Variants in RC3H2 observed in about 807,000 individuals in gnomAD.
RC3H2 encodes the protein ring finger and CCCH-type domains 2.
Under a neutral mutation model 133.3 loss-of-function variants are expected in RC3H2, and 31 were observed. The observed-to-expected ratio is 0.23, with a 90% CI of 0.17 to 0.31. RC3H2 has a LOEUF of 0.31. Ranked by LOEUF, RC3H2 falls within the 10% of genes least tolerant of loss-of-function variation. RC3H2 has a pLI of 1.00. For synonymous variants in RC3H2, 517 were observed against 502.2 expected, an observed-to-expected ratio of 1.03 and a Z score of -0.40; for missense variants, 1,175 against 1,437.2, an observed-to-expected ratio of 0.82 and a Z score of 2.95.
At chr9:122,892,425 T>C (rs920984438) in intron 3 of RC3H2, among the ~76,000 whole-genome samples, 14 of 152,116 alleles carry the variant, frequency 9.2e-5, no homozygotes, top group Non-Finnish European at 1.5e-4. Context: ...GAATTCTTTT[T>C]TTTTTGAGAC....
chr9:122,901,931 T>C (rs1039770192), intron 1 of RC3H2, among the ~76,000 whole-genome samples: 1 of 148,284 alleles, frequency 6.7e-6, no homozygotes, highest in Admixed American at 6.7e-5. Context: ...ACTACTTCTT[T>C]TTTTTTTTTT....
In RC3H2 at chr9:122,891,861, TCA is replaced by T. The variant is rs202046791; in HGVS notation, c.349+1046_349+1047del. Reference sequence around the variant, plus strand: ...GTGCTAAGTATGCAGTGATAAAATTTCAGTTTTGTCATAGACTTAAAATAATT... The same window carrying T: ...GTGCTAAGTATGCAGTGATAAAATTTGTTTTGTCATAGACTTAAAATAATT... On this transcript the variant is annotated intron_variant, in intron 3 of 20. Coordinates refer to ENST00000357244, the MANE Select transcript of RC3H2 (RefSeq NM_001100588.3). Among the ~76,000 whole-genome samples, 1,151 of 152,344 alleles carry T rather than the reference TCA, an allele frequency of 7.6e-3. 13 individuals carry two copies. The highest frequency in any genetic ancestry group is 0.026 in the African/African-American group (1,089 of 41,576).
In RC3H2 at chr9:122,905,253, C is replaced by G; in HGVS notation, c.-211G>C. 1 of 985,740 alleles carries G rather than the reference C, an allele frequency of 1.0e-6. No homozygotes were observed. Among genetic ancestry groups the G allele is most frequent in the Non-Finnish European group, 1.2e-6 (1 of 830,076 alleles). 61.1% of individuals were successfully genotyped at this position (985,740 alleles called of 1,614,324 possible). On this transcript the variant is annotated 5_prime_UTR_variant, in exon 1 of 21. Transcript: ENST00000357244. The stretch of plus-strand genomic sequence containing the variant: ...CAAACTCCATCGGGAGCTACAGGGA[C>G]AGCCCCGTTGGCGGCGGCGAAGGCC...
At chr9:122,884,016 C>T (rs1367574988) in intron 4 of RC3H2, among the ~76,000 whole-genome samples, 3 of 151,812 alleles carry the variant, frequency 2.0e-5, no homozygotes, top group Non-Finnish European at 2.9e-5. Flanking sequence ...AAAATTAGGC[C>T]GGGCGCGGTG....
Position 122,854,563 on chromosome 9 carries a change from G to C in RC3H2, c.2868C>G (p.Asn956Lys). The C allele has an allele frequency of 6.2e-7, 1 of 1,613,340 alleles. No homozygotes were observed. The highest frequency in any genetic ancestry group is 8.5e-7 in the Non-Finnish European group (1 of 1,179,340). The stretch of plus-strand genomic sequence containing the variant: ...CATAGTGTGCTGATGATGTGGCCTC[G>C]TTGCCATATGAACTCCACCTTGAAT... ...AVDSRWSSYG[N>K]EATSSAHYVE... Residue 956 changes from asparagine to lysine, a missense_variant, in exon 16 of 21, where the codon AAC becomes AAG. Physicochemically the swap from Asn to Lys is moderately conservative, Grantham distance 94 (BLOSUM62 0). Coordinates refer to ENST00000357244, the MANE Select transcript of RC3H2 (RefSeq NM_001100588.3).
intron 4 of RC3H2, among the ~76,000 whole-genome samples, chr9:122,886,511 C>G (rs1381707920): frequency 6.6e-6 from 1 of 152,134 alleles, no homozygotes; most frequent in African/African-American, 2.4e-5. Context: ...TTTTACGTGC[C>G]CACATTCTCC....
chr9:122,885,839 G>T (rs1831887049), intron 4 of RC3H2, among the ~76,000 whole-genome samples: 2 of 152,078 alleles, frequency 1.3e-5, no homozygotes. Flanking sequence ...ACACTAGCTG[G>T]CTGTCTGGTT....
rs16912290 is a variant in RC3H2 at position 122,887,308 on chromosome 9, T to C, written c.583+3004A>G. Among the ~76,000 whole-genome samples, 1,409 of 152,304 alleles carry C rather than the reference T, an allele frequency of 9.3e-3. 27 individuals carry two copies. The highest frequency in any genetic ancestry group is 0.032 in the African/African-American group (1,340 of 41,556). ...ATTGTGTTTCAATCCTTTGGAGTCA[T>C]TCATTATGATGTTTAAATTGCCCCA... is the stretch of plus-strand genomic sequence containing the variant. On this transcript the variant is annotated intron_variant, in intron 4 of 20. Coordinates refer to ENST00000357244, the MANE Select transcript of RC3H2 (RefSeq NM_001100588.3).
At chr9:122,870,394 AAACAAACAAACAAACAAAC>A (rs760145112) in intron 9 of RC3H2, among the ~76,000 whole-genome samples, 2,269 of 137,492 alleles carry the variant, frequency 0.017, 40 homozygotes, top group East Asian at 0.092. Context: ...ACAAACAAAC[AAACAAACAAACAAACAAAC>A]AAAAAAAAAA....
rs574258127 is a variant in RC3H2 at position 122,884,706 on chromosome 9, A to G, written c.584-1327T>C. Among the ~76,000 whole-genome samples, 559 of 152,170 alleles carry G rather than the reference A, an allele frequency of 3.7e-3. 1 individual carries two copies. The highest frequency in any genetic ancestry group is 0.013 in the African/African-American group (532 of 41,512). On this transcript the variant is annotated intron_variant, in intron 4 of 20. Transcript: ENST00000357244. ...CATCTCTATTAAAAATATAAAAATTAGCTGGGCATGGTGGCGTGCATCTGT... is the reference window on the plus strand; with the variant it reads ...CATCTCTATTAAAAATATAAAAATTGGCTGGGCATGGTGGCGTGCATCTGT...
chr9:122,851,866 G>A (rs192972774), intron 18 of RC3H2, among the ~76,000 whole-genome samples: 666 of 152,328 alleles, frequency 4.4e-3, no homozygotes, highest in Middle Eastern at 0.01. Context: ...CCTCCCAGCC[G>A]CCTGCCTTGG....
chr9:122,854,665 T>A (rs761151292), intron 15 of RC3H2, 50 bp from the exon 16 acceptor site: 14 of 1,197,914 alleles, frequency 1.2e-5, no homozygotes, highest in Non-Finnish European at 1.6e-5. Context: ...AAAATCAGTG[T>A]ACTGAGGTGA....
At chr9:122,895,962 C>A (rs1832396333) in intron 2 of RC3H2, among the ~76,000 whole-genome samples, 2 of 151,914 alleles carry the variant, frequency 1.3e-5, no homozygotes, top group South Asian at 4.2e-4. Flanking sequence ...TAATTACAAA[C>A]ATGAATTCTA....
rs1432890296 is a variant in RC3H2 at position 122,854,540 on chromosome 9, T to G, written c.2891A>C (p.Tyr964Ser). 2 of 1,609,802 alleles carry G rather than the reference T, an allele frequency of 1.2e-6. No individual in the cohort carries two copies. The highest frequency in any genetic ancestry group is 1.3e-5 in the African/African-American group (1 of 74,826). ...YGNEATSSAH[Y>S]VERDRFIVTD... is the part of the protein sequence containing the mutation. Reference sequence around the variant, plus strand: ...TTAAGAAGAACGTTACCTTTCAACATAGTGTGCTGATGATGTGGCCTCGTT... The same window carrying G: ...TTAAGAAGAACGTTACCTTTCAACAGAGTGTGCTGATGATGTGGCCTCGTT... The change falls in exon 16 of 21, where the codon TAT becomes TCT. Residue 964 changes from tyrosine to serine, a missense_variant. Tyr to Ser is a moderately radical substitution (Grantham distance 144, BLOSUM62 -2). Coordinates refer to ENST00000357244, the MANE Select transcript of RC3H2 (RefSeq NM_001100588.3).
At chr9:122,863,408 A>G (rs1042209425) in intron 10 of RC3H2, among the ~76,000 whole-genome samples, 1 of 152,206 alleles carries the variant, frequency 6.6e-6, no homozygotes, top group East Asian at 1.9e-4. Context: ...ACCAGTCCCT[A>G]ATATAAGCCT....
intron 1 of RC3H2, among the ~76,000 whole-genome samples, chr9:122,903,025 C>T (rs1832715520): frequency 6.6e-6 from 1 of 152,116 alleles, no homozygotes; most frequent in African/African-American, 2.4e-5. Context: ...TAAAGCACAT[C>T]TCAATTCACA....
intron 9 of RC3H2, among the ~76,000 whole-genome samples, chr9:122,872,073 C>T (rs143370507): frequency 9.1e-4 from 138 of 152,234 alleles, no homozygotes; most frequent in Non-Finnish European, 1.5e-3. Flanking sequence ...CCACCTCACC[C>T]GGCCCCCAAT....
At chr9:122,877,702 A>T (rs1370927163) in intron 8 of RC3H2, 119 bp from the exon 9 acceptor site, 5 of 733,992 alleles carry the variant, frequency 6.8e-6, no homozygotes, top group Non-Finnish European at 1.2e-5. Context: ...TAGACAAGTA[A>T]TTCTTGTGCT....
At position 122,905,243 on chromosome 9, in the gene RC3H2, G is replaced by A; in HGVS notation, c.-201C>T. The A allele has an allele frequency of 6.1e-6, 6 of 985,576 alleles. No homozygotes were observed. Among genetic ancestry groups the A allele is most frequent in the Non-Finnish European group, 4.8e-6 (4 of 829,966 alleles). 61.1% of individuals were successfully genotyped at this position (985,576 alleles called of 1,614,324 possible). A position where few individuals can be genotyped will look rare whatever the true frequency, so the allele number is the denominator to read the frequency against. On this transcript the variant is annotated 5_prime_UTR_variant, in exon 1 of 21. Transcript: ENST00000357244. ...TTCACGACCTCAAACTCCATCGGGA[G>A]CTACAGGGACAGCCCCGTTGGCGGC...
Sources: allele counts gnomAD v4.1 joint callset (sites outside exome capture counted in the v4.1 genomes callset), GRCh38; gene constraint gnomAD v4.1.1; transcripts MANE v1.5; gene names NCBI Gene and HGNC (gene_info 2026-07-23, HGNC 2026-07-21).